The following ZFAT variants were observed in gnomAD, a reference collection of about 807,000 sequenced individuals.
The protein encoded by ZFAT is zinc finger and AT-hook domain containing, also known as zinc finger protein ZFAT.
In ZFAT, 64 loss-of-function variants were observed where a neutral mutation model predicts 117.7. The observed-to-expected ratio is 0.54, with a 90% CI of 0.44 to 0.67. ZFAT has a LOEUF of 0.67. Among genes scored for constraint, ZFAT ranks in the 30% least tolerant of loss-of-function variants. The pLI is 0.00. For synonymous variants in ZFAT, 679 were observed against 615.0 expected (o/e 1.10, Z -1.54); for missense variants, 1,433 against 1,584.5 (o/e 0.90, Z 1.62).
At chr8:134,567,470 T>C (rs1215932747) in intron 10 of ZFAT, among the ~76,000 whole-genome samples, 2 of 151,712 alleles carry the variant, frequency 1.3e-5, no homozygotes, top group African/African-American at 4.8e-5. Flanking sequence ...CATCCATCCA[T>C]CCATCCATCC....
intron 2 of ZFAT, among the ~76,000 whole-genome samples, chr8:134,653,270 TAA>T (rs374514584): frequency 3.3e-5 from 3 of 91,884 alleles, no homozygotes; most frequent in Admixed American, 1.2e-4. Flanking sequence ...ATGTCTTTTT[TAA>T]AAAAAAAAAA....
chr8:134,691,709 C>A (rs1833596399), intron 1 of ZFAT, among the ~76,000 whole-genome samples: 1 of 152,154 alleles, frequency 6.6e-6, no homozygotes, highest in South Asian at 2.1e-4. Flanking sequence ...TGTAATATGA[C>A]CACGATTTGT....
intron 5 of ZFAT, among the ~76,000 whole-genome samples, chr8:134,608,134 G>A (rs139113028): frequency 5.5e-4 from 83 of 152,280 alleles, no homozygotes; most frequent in African/African-American, 1.9e-3. Flanking sequence ...CTTTCAAGGT[G>A]TAGTAAGCTT....
At chr8:134,560,615 A>G (rs1306715406) in intron 11 of ZFAT, among the ~76,000 whole-genome samples, 1 of 152,222 alleles carries the variant, frequency 6.6e-6, no homozygotes, top group Non-Finnish European at 1.5e-5. Context: ...TTACATAATG[A>G]TACGTGGACT....
chr8:134,607,358 C>T (rs956773346), intron 5 of ZFAT, among the ~76,000 whole-genome samples: 23 of 152,116 alleles, frequency 1.5e-4, no homozygotes, highest in African/African-American at 5.1e-4. Context: ...TGAAGCATAC[C>T]ACATGATATA....
At chr8:134,590,835 CT>C (rs1826449945) in intron 7 of ZFAT, among the ~76,000 whole-genome samples, 2 of 151,860 alleles carry the variant, frequency 1.3e-5, no homozygotes, top group Non-Finnish European at 2.9e-5. Context: ...CACGACCCCC[CT>C]CACCATCATC....
At chr8:134,517,086 C>A (rs1196903389) in intron 13 of ZFAT, among the ~76,000 whole-genome samples, 2 of 152,096 alleles carry the variant, frequency 1.3e-5, no homozygotes, top group African/African-American at 2.4e-5. Flanking sequence ...ACCAACAATA[C>A]TTGATAACTG....
At chr8:134,592,112 T>A (rs1826553565) in intron 7 of ZFAT, among the ~76,000 whole-genome samples, 1 of 152,188 alleles carries the variant, frequency 6.6e-6, no homozygotes, top group South Asian at 2.1e-4. Context: ...CACTCCACGC[T>A]CACTTGGATT....
intron 2 of ZFAT, among the ~76,000 whole-genome samples, chr8:134,639,213 C>A (rs147670608): frequency 2.0e-5 from 3 of 152,166 alleles, no homozygotes; most frequent in Non-Finnish European, 4.4e-5. Context: ...AACAGCCTGA[C>A]CACAGGGAAT....
intron 1 of ZFAT, among the ~76,000 whole-genome samples, chr8:134,710,644 T>C (rs541418281): frequency 6.6e-6 from 1 of 152,338 alleles, no homozygotes; most frequent in East Asian, 1.9e-4. Context: ...TGCATATACA[T>C]AGTGAGATAA....
chr8:134,625,248 T>C (rs2131040926), intron 3 of ZFAT, among the ~76,000 whole-genome samples: 1 of 152,364 alleles, frequency 6.6e-6, no homozygotes, highest in Admixed American at 6.5e-5. Context: ...AAAATAAACC[T>C]GTGAAGGGCA....
chr8:134,671,399 TC>T (rs1341467762), intron 1 of ZFAT, among the ~76,000 whole-genome samples: 13 of 152,172 alleles, frequency 8.5e-5, no homozygotes, highest in Non-Finnish European at 2.9e-5. Flanking sequence ...AAAAAGCTTA[TC>T]CACCATGATC....
At chr8:134,787,682 C>T in the ZFAT span, among the ~76,000 whole-genome samples, 1 of 151,924 alleles carries the variant, frequency 6.6e-6, no homozygotes, top group Admixed American at 6.6e-5. Flanking sequence ...TGCATTTCTT[C>T]AGTTTGTTAA....
the ZFAT span, among the ~76,000 whole-genome samples, chr8:134,757,951 A>G: frequency 6.6e-6 from 1 of 152,188 alleles, no homozygotes. Context: ...AACCCTTTCA[A>G]TGATTCTGCA....
intron 3 of ZFAT, among the ~76,000 whole-genome samples, chr8:134,615,189 C>A (rs1028662359): frequency 6.6e-6 from 1 of 152,120 alleles, no homozygotes; most frequent in Non-Finnish European, 1.5e-5. Context: ...TAAGGTGGAA[C>A]CAGTGCTCTG....
chr8:134,655,133 T>TGATGAGAGG (rs1255309491), intron 2 of ZFAT, among the ~76,000 whole-genome samples: 3 of 151,486 alleles, frequency 2.0e-5, no homozygotes, highest in Non-Finnish European at 4.4e-5. Context: ...TGTAGATCAG[T>TGATGAGAGG]GATGAGAGGG....
At chr8:134,553,601 G>A (rs6992097) in intron 11 of ZFAT, among the ~76,000 whole-genome samples, 52,459 of 151,998 alleles carry the variant, frequency 0.35, 9,359 homozygotes, top group East Asian at 0.67. Context: ...CATGCCACAG[G>A]CACCAAGAAT....
At chr8:134,792,853 T>C in the ZFAT span, 9 of 152,244 alleles carry the variant, frequency 5.9e-5, no homozygotes, top group Admixed American at 6.5e-5. Context: ...ACACAATTTC[T>C]GATAATAGCA....
chr8:134,565,841 T>C (rs1157169277), intron 10 of ZFAT, among the ~76,000 whole-genome samples: 1 of 151,886 alleles, frequency 6.6e-6, no homozygotes, highest in East Asian at 1.9e-4. Flanking sequence ...AGCAGCTGCA[T>C]CTTCCTTCCT....
Sources: gnomAD v4.1 joint callset for allele counts (sites outside exome capture counted in the v4.1 genomes callset) on GRCh38, gnomAD v4.1.1 for gene constraint, MANE v1.5 for transcripts, NCBI Gene and HGNC (gene_info 2026-07-23, HGNC 2026-07-21) for gene names.